RTTN: variants seen among roughly 807,000 people sequenced by gnomAD.
RTTN encodes rotatin.
RTTN carries 182 observed loss-of-function variants against 269.2 expected under a neutral mutation model. That is an observed-to-expected ratio of 0.68 (90% CI 0.60 to 0.76). The LOEUF is 0.76. RTTN is among the 30% of genes least tolerant of loss of function. The probability of loss-of-function intolerance (pLI) is 0.00; values close to 1 mark genes in which losing one functional copy is unlikely to be tolerated. For synonymous variants in RTTN, 1,006 were observed against 963.5 expected, an observed-to-expected ratio of 1.04 and a Z score of -0.82; for missense variants, 2,545 against 2,608.6, an observed-to-expected ratio of 0.98 and a Z score of 0.53.
intron 30 of RTTN, among the ~76,000 whole-genome samples, chr18:70,090,769 CCTTGAAGACAGCTTTATGGGCGGGGCT>C: frequency 6.6e-6 from 1 of 152,140 alleles, no homozygotes; most frequent in African/African-American, 2.4e-5. Flanking sequence ...ACATGGCTGC[CCTTGAAGACAGCTTTATGGGCGGGGCT>C]CTTGAAGACA....
chr18:70,055,176 C>T (rs1188857577), intron 37 of RTTN, among the ~76,000 whole-genome samples: 2 of 152,044 alleles, frequency 1.3e-5, no homozygotes, highest in Non-Finnish European at 2.9e-5. Flanking sequence ...AAAAATAATC[C>T]TCTGAATATG....
At chr18:70,188,040 C>T (rs1236369514) in intron 10 of RTTN, 68 bp downstream of exon 10, 4 of 839,086 alleles carry the variant, frequency 4.8e-6, no homozygotes, top group Non-Finnish European at 8.0e-6. Context: ...ACAATGAAAC[C>T]GGCTTAAAAG....
chr18:70,190,819 C>T lies in RTTN; in HGVS notation c.1008-100G>A, dbSNP rs569260789. 2.2e-5 allele frequency: 16 copies of T among 711,590 alleles called. No homozygotes were observed. In the South Asian group the frequency reaches 2.7e-4, roughly 12 times the overall value. 44.1% of individuals were successfully genotyped at this position (711,590 alleles called of 1,614,324 possible). A position where few individuals can be genotyped will look rare whatever the true frequency, so the allele number is the denominator to read the frequency against. ...CGCATATTAGAAGCCTCATACAAGTCACAACTCTACTGCTTCATTCAACTC... is the reference window on the plus strand; with the variant it reads ...CGCATATTAGAAGCCTCATACAAGTTACAACTCTACTGCTTCATTCAACTC... On this transcript the variant is annotated intron_variant, in intron 8 of 48. Transcript: ENST00000640769.
chr18:70,109,786 G>T (rs1417267883), intron 27 of RTTN, 69 bp from the exon 28 acceptor site: 13 of 1,228,360 alleles, frequency 1.1e-5, no homozygotes, highest in Non-Finnish European at 1.3e-5. Context: ...TATCTTACTG[G>T]CTATAAAAGG....
intron 47 of RTTN, 67 bp from the exon 48 acceptor site, chr18:70,005,334 T>C: frequency 9.5e-7 from 1 of 1,057,898 alleles, no homozygotes; most frequent in Non-Finnish European, 1.5e-6. Flanking sequence ...ACACTAATTC[T>C]GCCCATTGCT....
chr18:70,087,062 C>T (rs1428453179), intron 31 of RTTN, among the ~76,000 whole-genome samples: 1 of 152,048 alleles, frequency 6.6e-6, no homozygotes, highest in Non-Finnish European at 1.5e-5. Flanking sequence ...TACACACACA[C>T]ACACACACAA....
chr18:70,115,331 T>G lies in RTTN; in HGVS notation c.3529-732A>C, dbSNP rs536619340. On this transcript the variant is annotated intron_variant, in intron 26 of 48. Transcript: ENST00000640769. ...ACTGCAATAATCTTTGCCACCTTGATAGGCTAGTAAACAAATACTAGTTCT... is the reference window on the plus strand; with the variant it reads ...ACTGCAATAATCTTTGCCACCTTGAGAGGCTAGTAAACAAATACTAGTTCT... 2.6e-5 allele frequency among the ~76,000 whole-genome samples: 4 copies of G among 152,084 alleles called. No homozygotes were observed. The South Asian group carries it at 8.3e-4, about 32-fold the overall frequency.
At chr18:70,147,303 A>G (rs2060418970) in intron 17 of RTTN, among the ~76,000 whole-genome samples, 1 of 152,172 alleles carries the variant, frequency 6.6e-6, no homozygotes, top group South Asian at 2.1e-4. Flanking sequence ...TTCTATGTTT[A>G]GATACACAAA....
intron 9 of RTTN, among the ~76,000 whole-genome samples, chr18:70,189,250 T>C (rs542288808): frequency 2.6e-5 from 4 of 152,336 alleles, no homozygotes; most frequent in South Asian, 4.1e-4. Flanking sequence ...TAGTTCCAGC[T>C]AGTAGAAGCA....
intron 5 of RTTN, among the ~76,000 whole-genome samples, chr18:70,198,326 T>G (rs1033191824): frequency 6.6e-6 from 1 of 152,178 alleles, no homozygotes; most frequent in Non-Finnish European, 1.5e-5. Flanking sequence ...CCATTCACTA[T>G]CTACAGGCAT....
At chr18:70,052,117 C>G (rs1012118483) in intron 38 of RTTN, among the ~76,000 whole-genome samples, 2 of 152,190 alleles carry the variant, frequency 1.3e-5, no homozygotes, top group African/African-American at 4.8e-5. Flanking sequence ...AGGATGAGGA[C>G]CCATTTTCCC....
chr18:70,040,164 A>G (rs6566455), intron 40 of RTTN, among the ~76,000 whole-genome samples: 9,537 of 152,238 alleles, frequency 0.063, 988 homozygotes, highest in African/African-American at 0.22. Flanking sequence ...AAACTCTACA[A>G]TAAAAACACA....
intron 27 of RTTN, among the ~76,000 whole-genome samples, chr18:70,111,455 C>T (rs982434399): frequency 1.3e-5 from 2 of 152,038 alleles, no homozygotes; most frequent in Admixed American, 6.5e-5. Flanking sequence ...TCCAGCAGAC[C>T]GGCAGCACAT....
rs1239988436 is a variant in RTTN, at chr18:70,092,720, A to G, written c.3988T>C (p.Leu1330=). ...KGVTKSTILC[L]LHLSHEMMAQ... The stretch of plus-strand genomic sequence containing the variant: ...ATCATCTCATGGGATAAGTGAAGCA[A>G]GCAAAGAATTGTGCTCTTTGTAACA... Residue 1330 remains leucine, a synonymous_variant, in exon 29 of 49, where the codon TTG becomes CTG. Coordinates refer to ENST00000640769, the MANE Select transcript of RTTN (RefSeq NM_173630.4). The G allele has an allele frequency of 1.2e-6, 2 of 1,613,646 alleles. No homozygotes were observed. Among genetic ancestry groups the G allele is most frequent in the African/African-American group, 2.7e-5 (2 of 74,920 alleles).
In RTTN at chr18:70,121,548, C is replaced by T; in HGVS notation, c.3528+8G>A. On this transcript the variant is annotated splice_region_variant and intron_variant, in intron 26 of 48. Transcript: ENST00000640769. ...AACTTAAAATCCAAATTCCTTAACACCACTTACATGTCTAAGAAGTAATTC... is the reference window on the plus strand; with the variant it reads ...AACTTAAAATCCAAATTCCTTAACATCACTTACATGTCTAAGAAGTAATTC... 1 of 1,551,522 alleles carries T rather than the reference C, an allele frequency of 6.4e-7. No individual in the cohort carries two copies. The highest frequency in any genetic ancestry group is 8.6e-7 in the Non-Finnish European group (1 of 1,158,854).
intron 32 of RTTN, among the ~76,000 whole-genome samples, chr18:70,082,041 C>T (rs1384777396): frequency 6.6e-6 from 1 of 152,018 alleles, no homozygotes; most frequent in Admixed American, 6.6e-5. Flanking sequence ...TGTATTGTTT[C>T]TACAAATTTC....
Position 70,150,717 on chromosome 18 carries a change from T to C in RTTN, c.1946A>G (p.His649Arg), listed in dbSNP as rs775197104. Residue 649 changes from histidine (H) to arginine (R), a missense_variant, in exon 15 of 49, where the codon CAT (histidine) becomes CGT (arginine). Physicochemically the swap from His to Arg is conservative, Grantham distance 29 (BLOSUM62 0). Coordinates refer to ENST00000640769, the MANE Select transcript of RTTN (RefSeq NM_173630.4). ...TGAAGACACGGGTTTAGTGACATTA[T>C]GGACACCTAAACATTCCTGTAAAAT... ...LEITKECLGVHNVTKPVSSLC... is the reference protein window; with the variant it reads ...LEITKECLGVRNVTKPVSSLC... 11 of 1,602,694 alleles carry C rather than the reference T, an allele frequency of 6.9e-6. No individual in the cohort carries two copies. In the South Asian group the frequency reaches 1.0e-4, roughly 15 times the overall value.
chr18:70,087,697 CTGAGA>C (rs1375343650), intron 31 of RTTN, among the ~76,000 whole-genome samples: 1 of 152,086 alleles, frequency 6.6e-6, no homozygotes, highest in Non-Finnish European at 1.5e-5. Flanking sequence ...CCCATAAATG[CTGAGA>C]TAATATAAAA....
At chr18:70,079,419 A>G (rs1325048223) in intron 32 of RTTN, among the ~76,000 whole-genome samples, 1 of 152,090 alleles carries the variant, frequency 6.6e-6, no homozygotes, top group Admixed American at 6.6e-5. Context: ...CAAGCCCAGG[A>G]TATGCACAAA....
Sources: allele counts gnomAD v4.1 joint callset (sites outside exome capture counted in the v4.1 genomes callset), GRCh38; gene constraint gnomAD v4.1.1; transcripts MANE v1.5; gene names NCBI Gene and HGNC (gene_info 2026-07-23, HGNC 2026-07-21).